Variants in LYAR observed in about 807,000 individuals in gnomAD.
LYAR encodes the protein Ly1 antibody reactive, also known as cell growth-regulating nucleolar protein.
LYAR carries 37 observed loss-of-function variants against 45.2 expected under a neutral mutation model. The observed-to-expected ratio is 0.82, with a 90% CI of 0.63 to 1.08. LYAR has a LOEUF of 1.08. LYAR is among the 50% of genes least tolerant of loss of function. LYAR has a pLI of 0.00. For synonymous variants in LYAR, 176 were observed against 155.1 expected (o/e 1.14, Z -1.00); for missense variants, 493 against 451.0 (o/e 1.09, Z -0.84).
chr4:4,271,742 C>T (rs1324326100), intron 8 of LYAR, among the ~76,000 whole-genome samples: 1 of 152,208 alleles, frequency 6.6e-6, no homozygotes, highest in Non-Finnish European at 1.5e-5. Context: ...CAGCATTGAA[C>T]ATTCGCTTCA....
At chr4:4,286,107 C>T (rs1478711637) in intron 2 of LYAR, among the ~76,000 whole-genome samples, 1 of 152,220 alleles carries the variant, frequency 6.6e-6, no homozygotes, top group Non-Finnish European at 1.5e-5. Flanking sequence ...ACTGTCTCTT[C>T]CTGCCTTCCT....
chr4:4,282,917 T>G (rs895688104), intron 3 of LYAR, among the ~76,000 whole-genome samples: 8 of 152,210 alleles, frequency 5.3e-5, no homozygotes, highest in Non-Finnish European at 8.8e-5. Flanking sequence ...ATTCACTTTC[T>G]GGTTCATAAG....
rs141225841 is a variant in LYAR at position 4,283,163 on chromosome 4, C to A, written c.122+458G>T. Among the ~76,000 whole-genome samples the A allele has an allele frequency of 4.6e-5, 7 of 152,278 alleles. No individual in the cohort carries two copies. In the South Asian group the frequency reaches 1.0e-3, roughly 23 times the overall value. ...TGTTTCGTAAAGCACATTTCTCCCCCCCAAGAAGGGGTTAACTTGCTCTGT... is the reference window on the plus strand; with the variant it reads ...TGTTTCGTAAAGCACATTTCTCCCCACCAAGAAGGGGTTAACTTGCTCTGT... On this transcript the variant is annotated intron_variant, in intron 3 of 9. Coordinates refer to ENST00000343470, the MANE Select transcript of LYAR (RefSeq NM_017816.3).
intron 1 of LYAR, among the ~76,000 whole-genome samples, chr4:4,287,395 C>G (rs1719659485): frequency 1.3e-5 from 2 of 152,210 alleles, no homozygotes; most frequent in South Asian, 2.1e-4. Context: ...CACGCAGGTC[C>G]TCTGCGTGTG....
chr4:4,283,689 C>G lies in LYAR; in HGVS notation c.54G>C (p.Val18=). The G allele has an allele frequency of 1.2e-6, 2 of 1,612,724 alleles. No homozygotes were observed. The highest frequency in any genetic ancestry group is 1.7e-6 in the Non-Finnish European group (2 of 1,179,576). The stretch of plus-strand genomic sequence containing the variant: ...TTCTGCAAACAGACACATGCTTTTC[C>G]ACTTGTATTTTCTTCACTGATTCAC... ...ACGESVKKIQ[V]EKHVSVCRNC... is the part of the protein sequence containing the mutation. Residue 18 remains valine, a synonymous_variant, in exon 3 of 10, where the codon GTG becomes GTC. Coordinates refer to ENST00000343470, the MANE Select transcript of LYAR (RefSeq NM_017816.3).
intron 2 of LYAR, among the ~76,000 whole-genome samples, chr4:4,284,363 G>A (rs141381328): frequency 5.3e-5 from 8 of 152,260 alleles, no homozygotes; most frequent in African/African-American, 1.9e-4. Flanking sequence ...AAGTGAAGAA[G>A]AGGCAATTCT....
intron 1 of LYAR, 69 bp from the exon 2 acceptor site, chr4:4,286,641 T>A (rs1346708175): frequency 1.7e-5 from 2 of 115,716 alleles, no homozygotes; most frequent in Non-Finnish European, 3.4e-5. Context: ...GGAAATTTAA[T>A]TAAACTTTTT....
At chr4:4,280,364 C>A (rs1048210650) in intron 4 of LYAR, among the ~76,000 whole-genome samples, 2 of 152,162 alleles carry the variant, frequency 1.3e-5, no homozygotes, top group Admixed American at 6.5e-5. Flanking sequence ...AGATTCAATA[C>A]AATTCCTATC....
intron 8 of LYAR, among the ~76,000 whole-genome samples, chr4:4,272,076 TG>T (rs1310277338): frequency 7.2e-6 from 1 of 138,138 alleles, no homozygotes; most frequent in East Asian, 2.1e-4. Context: ...AAGGAGGGGG[TG>T]GGGGTGAGAG....
At chr4:4,281,320 CT>C (rs548488154) in intron 4 of LYAR, among the ~76,000 whole-genome samples, 4 of 151,792 alleles carry the variant, frequency 2.6e-5, no homozygotes, top group South Asian at 2.1e-4. Context: ...GAATAAAGAA[CT>C]TTTTTTCTTT....
intron 2 of LYAR, among the ~76,000 whole-genome samples, chr4:4,284,926 G>C (rs1254596611): frequency 2.0e-5 from 3 of 152,184 alleles, no homozygotes; most frequent in Non-Finnish European, 2.9e-5. Flanking sequence ...CCCTTGGTTT[G>C]CAGAGAATTC....
In LYAR at chr4:4,268,624, T is replaced by C; in HGVS notation, c.920-9A>G. The stretch of plus-strand genomic sequence containing the variant: ...CTTCCAGTTGAATTTACCTACAATA[T>C]AAATAATAATATTTAAGACATTTCG... On this transcript the variant is annotated splice_polypyrimidine_tract_variant and intron_variant, in intron 8 of 9. Coordinates refer to ENST00000343470, the MANE Select transcript of LYAR (RefSeq NM_017816.3). The C allele has an allele frequency of 6.6e-7, 1 of 1,517,524 alleles. No individual in the cohort carries two copies. The highest frequency in any genetic ancestry group is 1.4e-5 in the African/African-American group (1 of 72,652). The allele number at this position is 1,517,524 out of a possible 1,614,324, so 94.0% of individuals were successfully genotyped here. A position where few individuals can be genotyped will look rare whatever the true frequency, so the allele number is the denominator to read the frequency against.
intron 2 of LYAR, among the ~76,000 whole-genome samples, chr4:4,284,970 C>T (rs184509381): frequency 9.2e-5 from 14 of 152,262 alleles, no homozygotes; most frequent in Non-Finnish European, 1.6e-4. Context: ...CCTCCACCAG[C>T]ATGTTTTGGA....
rs140790888 is a variant in LYAR, at chr4:4,287,654, T to C, written c.-107-1082A>G. On this transcript the variant is annotated intron_variant, in intron 1 of 9. Transcript: ENST00000343470. ...GTGAACTGCCCGAAGTCACAGTAAG[T>C]GGCAGAGGTGGCCTGAAAGACCAGG... 8.0e-3 allele frequency among the ~76,000 whole-genome samples: 1,214 copies of C among 152,236 alleles called. 10 individuals carry two copies. Among genetic ancestry groups the C allele is most frequent in the African/African-American group, 0.028 (1,156 of 41,548 alleles).
At chr4:4,272,238 G>A (rs1272608848) in intron 8 of LYAR, among the ~76,000 whole-genome samples, 2 of 152,204 alleles carry the variant, frequency 1.3e-5, no homozygotes, top group African/African-American at 2.4e-5. Flanking sequence ...TAAAGGGTAC[G>A]CGGATACATA....
chr4:4,274,054 T>C (rs1228607010), intron 7 of LYAR, among the ~76,000 whole-genome samples: 2 of 152,156 alleles, frequency 1.3e-5, no homozygotes, highest in African/African-American at 2.4e-5. Context: ...CAGGCTAACA[T>C]GGCGAAACCC....
intron 8 of LYAR, among the ~76,000 whole-genome samples, chr4:4,272,066 A>G (rs940661760): frequency 6.6e-6 from 1 of 152,138 alleles, no homozygotes; most frequent in African/African-American, 2.4e-5. Context: ...GCCAGAGGCT[A>G]AGGAGGGGGT....
At chr4:4,275,736 C>G (rs1560093638) in intron 6 of LYAR, among the ~76,000 whole-genome samples, 2 of 152,106 alleles carry the variant, frequency 1.3e-5, no homozygotes, top group South Asian at 4.1e-4. Flanking sequence ...CTCACTGTCA[C>G]CCAGGCTGGA....
chr4:4,285,094 G>T (rs568912176), intron 2 of LYAR, among the ~76,000 whole-genome samples: 2 of 152,284 alleles, frequency 1.3e-5, no homozygotes, highest in African/African-American at 4.8e-5. Context: ...GGTCCAGCTG[G>T]TCTCTTGTGG....
Sources: gnomAD v4.1 joint callset for allele counts (sites outside exome capture counted in the v4.1 genomes callset) on GRCh38, gnomAD v4.1.1 for gene constraint, MANE v1.5 for transcripts, NCBI Gene and HGNC (gene_info 2026-07-23, HGNC 2026-07-21) for gene names.